XPO5: variants seen among roughly 807,000 people sequenced by gnomAD.
The protein encoded by XPO5 is exportin 5, also known as exportin-5.
Under a neutral mutation model 160.6 loss-of-function variants are expected in XPO5, and 46 were observed. The observed-to-expected ratio is 0.29, with a 90% CI of 0.23 to 0.37. The LOEUF is 0.37. Among genes scored for constraint, XPO5 ranks in the 10% least tolerant of loss-of-function variants. The pLI is 1.00. For missense variants in XPO5, 1,090 were observed against 1,463.9 expected (o/e 0.74, Z 4.17); for synonymous variants, 537 against 519.3 (o/e 1.03, Z -0.46).
At chr6:43,550,142 AC>A (rs1795159058) in intron 15 of XPO5, among the ~76,000 whole-genome samples, 2 of 152,152 alleles carry the variant, frequency 1.3e-5, no homozygotes, top group African/African-American at 4.8e-5. Flanking sequence ...TCACAATTTT[AC>A]CATCAAAACA....
chr6:43,549,370 G>T, intron 17 of XPO5, 119 bp downstream of exon 17: 2 of 994,624 alleles, frequency 2.0e-6, no homozygotes, highest in Non-Finnish European at 1.5e-6. Context: ...GGCCAAGGAT[G>T]CTTATATGAT....
chr6:43,568,535 G>T (rs1762821848), intron 6 of XPO5, among the ~76,000 whole-genome samples, 176 bp downstream of exon 6: 1 of 152,002 alleles, frequency 6.6e-6, no homozygotes, highest in Admixed American at 6.6e-5. Context: ...GAGCTGGGGA[G>T]GTCATGGCTG....
In XPO5 at chr6:43,523,858, A is replaced by G; in HGVS notation, c.*10T>C. On this transcript the variant is annotated 3_prime_UTR_variant, in exon 32 of 32. Coordinates refer to ENST00000265351, the MANE Select transcript of XPO5 (RefSeq NM_020750.3). ...AAGAAAGGCCGAGGAAGGATGCCCAAAAGCTTGATTCAGGGTTCAAAGATG... is the reference window on the plus strand; with the variant it reads ...AAGAAAGGCCGAGGAAGGATGCCCAGAAGCTTGATTCAGGGTTCAAAGATG... 1.2e-6 allele frequency: 2 copies of G among 1,613,998 alleles called. No individual in the cohort carries two copies. Among genetic ancestry groups the G allele is most frequent in the Non-Finnish European group, 1.7e-6 (2 of 1,179,878 alleles).
intron 20 of XPO5, among the ~76,000 whole-genome samples, chr6:43,545,977 T>G (rs902342310): frequency 6.6e-6 from 1 of 152,196 alleles, no homozygotes; most frequent in East Asian, 1.9e-4. Context: ...TGATTTAGTA[T>G]GTCTGGGGTG....
At position 43,523,731 on chromosome 6, in the gene XPO5, A is replaced by G; in HGVS notation, c.*137T>C. 1.4e-6 allele frequency: 2 copies of G among 1,415,298 alleles called. No individual in the cohort carries two copies. The highest frequency in any genetic ancestry group is 2.0e-6 in the Non-Finnish European group (2 of 999,420). The allele number at this position is 1,415,298 out of a possible 1,614,324, so 87.7% of individuals were successfully genotyped here. ...GTCCTGCACAGGGCCTGTTCTCTCC[A>G]GCTCCAGACCTGGATCTCTTTCCAG... On this transcript the variant is annotated 3_prime_UTR_variant, in exon 32 of 32. Transcript: ENST00000265351.
rs563422938 is a variant in XPO5 at position 43,547,855 on chromosome 6, A to T, written c.2061-148T>A. The T allele has an allele frequency of 3.2e-3, 2,015 of 623,070 alleles. 7 individuals carry two copies. The highest frequency in any genetic ancestry group is 4.2e-3 in the Non-Finnish European group (1,494 of 359,746). The allele number at this position is 623,070 out of a possible 1,614,324, so 38.6% of individuals were successfully genotyped here. On this transcript the variant is annotated intron_variant, in intron 18 of 31. Transcript: ENST00000265351. The stretch of plus-strand genomic sequence containing the variant: ...ATAATCATACTAATTGTCAGTTGTC[A>T]TTTGAAGGTTTAAATTTCCCTTCCC...
intron 21 of XPO5, chr6:43,533,625 A>G (rs1435223394): frequency 8.6e-6 from 2 of 231,742 alleles, no homozygotes; most frequent in Non-Finnish European, 1.8e-5. Context: ...CTGCTTGATG[A>G]TAAGAGTTCA....
At chr6:43,567,082 A>C in intron 7 of XPO5, 87 bp downstream of exon 7, 1 of 1,407,470 alleles carries the variant, frequency 7.1e-7, no homozygotes, top group South Asian at 1.5e-5. Flanking sequence ...CAAACCTTTA[A>C]ATGACTTTCT....
chr6:43,572,791 T>G (rs1446244625), intron 2 of XPO5, among the ~76,000 whole-genome samples: 1 of 152,196 alleles, frequency 6.6e-6, no homozygotes, highest in Non-Finnish European at 1.5e-5. Context: ...ATATATGCAG[T>G]GGTCCATTAA....
chr6:43,549,754 T>C, intron 16 of XPO5, 139 bp downstream of exon 16: 1 of 1,152,772 alleles, frequency 8.7e-7, no homozygotes, highest in Non-Finnish European at 1.2e-6. Context: ...GTATGCCCTA[T>C]AGTGGCAAAA....
At position 43,524,640 on chromosome 6, in the gene XPO5, T is replaced by TA. The variant is rs1169652920; in HGVS notation, c.3313-6dup. 6.2e-7 allele frequency: 1 copy of TA among 1,613,432 alleles called. No individual in the cohort carries two copies. Among genetic ancestry groups the TA allele is most frequent in the African/African-American group, 1.3e-5 (1 of 74,938 alleles). ...TATCTCCAGGTACCTGGGGCGCTGA[T>TA]ATCAGCAGGGATAAACTTACTGGAT... On this transcript the variant is annotated splice_polypyrimidine_tract_variant and splice_region_variant and intron_variant, in intron 30 of 31. Coordinates refer to ENST00000265351, the MANE Select transcript of XPO5 (RefSeq NM_020750.3).
At chr6:43,563,847 G>A (rs1361325251) in intron 8 of XPO5, among the ~76,000 whole-genome samples, 2 of 152,170 alleles carry the variant, frequency 1.3e-5, no homozygotes, top group African/African-American at 4.8e-5. Context: ...AGTGAGTGGT[G>A]AGTGAATGTG....
chr6:43,552,923 C>T (rs564122111), intron 14 of XPO5, among the ~76,000 whole-genome samples: 1 of 152,198 alleles, frequency 6.6e-6, no homozygotes, highest in South Asian at 2.1e-4. Flanking sequence ...CCCCATTTTG[C>T]CATTTATTAG....
chr6:43,529,026 G>A, intron 23 of XPO5, 101 bp from the exon 24 acceptor site: 1 of 1,210,424 alleles, frequency 8.3e-7, no homozygotes, highest in Non-Finnish European at 1.2e-6. Flanking sequence ...TAAAGGATTT[G>A]CCAGATGTCA....
At chr6:43,525,692 G>A (rs971998818) in intron 28 of XPO5, 147 bp downstream of exon 28, 17 of 814,908 alleles carry the variant, frequency 2.1e-5, no homozygotes, top group Middle Eastern at 2.4e-4. Flanking sequence ...CTTTTCCCTC[G>A]GTTTTTTCTG....
In XPO5 at chr6:43,522,991, T is replaced by TCCTAGGAGAAGACCAGCGGCTTTGCTA; in HGVS notation, c.*850_*876dup. 5.9e-6 allele frequency: 1 copy of TCCTAGGAGAAGACCAGCGGCTTTGCTA among 168,264 alleles called. No individual in the cohort carries two copies. The highest frequency in any genetic ancestry group is 2.4e-5 in the African/African-American group (1 of 42,010). 10.4% of individuals were successfully genotyped at this position (168,264 alleles called of 1,614,324 possible). On this transcript the variant is annotated 3_prime_UTR_variant, in exon 32 of 32. Transcript: ENST00000265351. ...GATTGTGGAAGGCACCTGGACTTAGTCCTAGGAGAAGACCAGCGGCTTTGC... is the reference window on the plus strand; with the variant it reads ...GATTGTGGAAGGCACCTGGACTTAGTCCTAGGAGAAGACCAGCGGCTTTGCTACCTAGGAGAAGACCAGCGGCTTTGC...
At position 43,562,179 on chromosome 6, in the gene XPO5, A is replaced by C. The variant is rs950638600; in HGVS notation, c.1011+68T>G. 1.1e-5 allele frequency: 15 copies of C among 1,325,474 alleles called. No individual in the cohort carries two copies. The African/African-American group carries it at 2.0e-4, about 18-fold the overall frequency. 82.1% of individuals were successfully genotyped at this position (1,325,474 alleles called of 1,614,324 possible). A position where few individuals can be genotyped will look rare whatever the true frequency, so the allele number is the denominator to read the frequency against. On this transcript the variant is annotated intron_variant, in intron 9 of 31. Coordinates refer to ENST00000265351, the MANE Select transcript of XPO5 (RefSeq NM_020750.3). ...CAATGACATTTGCAACCCCTCATTG[A>C]AACATAAGTTTCTAAATGCTCTTCC...
chr6:43,528,881 A>T lies in XPO5; in HGVS notation c.2722T>A (p.Tyr908Asn). The change falls in exon 24 of 32, where the codon TAT becomes AAT. Residue 908 changes from tyrosine to asparagine, a missense_variant. Transcript: ENST00000265351. ...PLVLFCPPEH[Y>N]EALVSPILGP... ...AGGATGGGGGATACCAGGGCTTCAT[A>T]GTGCTCTGGGGGACAGAAGAGCACC... 3 of 1,613,946 alleles carry T rather than the reference A, an allele frequency of 1.9e-6. No individual in the cohort carries two copies. The highest frequency in any genetic ancestry group is 2.5e-6 in the Non-Finnish European group (3 of 1,179,874).
At chr6:43,558,713 T>C in intron 11 of XPO5, 122 bp from the exon 12 acceptor site, 3 of 682,896 alleles carry the variant, frequency 4.4e-6, no homozygotes, top group Non-Finnish European at 4.8e-6. Context: ...TGAGATATTG[T>C]ATGGTAAATA....
Sources: gnomAD v4.1 joint callset for allele counts (sites outside exome capture counted in the v4.1 genomes callset) on GRCh38, gnomAD v4.1.1 for gene constraint, MANE v1.5 for transcripts, NCBI Gene and HGNC (gene_info 2026-07-23, HGNC 2026-07-21) for gene names.